The following ADAMTS17 variants were observed in gnomAD, a reference collection of about 807,000 sequenced individuals.
ADAMTS17 encodes A disintegrin and metalloproteinase with thrombospondin motifs 17.
In ADAMTS17, 113 loss-of-function variants were observed where a neutral mutation model predicts 141.5. The ratio of observed to expected loss-of-function variants is 0.80; its 90% CI spans 0.69 to 0.93. The LOEUF is 0.93. ADAMTS17 is among the 40% of genes least tolerant of loss of function. The probability of loss-of-function intolerance (pLI) is 0.00; values close to 1 mark genes in which losing one functional copy is unlikely to be tolerated. For missense variants in ADAMTS17, 1,659 were observed against 1,517.9 expected, an observed-to-expected ratio of 1.09 and a Z score of -1.54; for synonymous variants, 768 against 630.6, an observed-to-expected ratio of 1.22 and a Z score of -3.27.
intron 7 of ADAMTS17, among the ~76,000 whole-genome samples, chr15:100,203,166 C>T (rs1490477664): frequency 6.6e-6 from 1 of 152,212 alleles, no homozygotes; most frequent in Non-Finnish European, 1.5e-5. Context: ...GGCTCCACTA[C>T]ACCCCTGACA....
At chr15:100,163,747 G>A (rs999074940) in intron 8 of ADAMTS17, among the ~76,000 whole-genome samples, 10 of 152,192 alleles carry the variant, frequency 6.6e-5, no homozygotes, top group African/African-American at 2.2e-4. Flanking sequence ...AGACACAGTT[G>A]AATATGGTAG....
In ADAMTS17 at chr15:100,096,814, A is replaced by C. The variant is rs111549942; in HGVS notation, c.2017-338T>G. Among the ~76,000 whole-genome samples, 84 of 152,346 alleles carry C rather than the reference A, an allele frequency of 5.5e-4. 1 individual carries two copies. The highest frequency in any genetic ancestry group is 2.0e-3 in the African/African-American group (82 of 41,586). ...GGCAGAGACCCTGGGGAGAGAGTGA[A>C]GCCTGAACCCTCACACCAGCAGGTG... On this transcript the variant is annotated intron_variant, in intron 14 of 21. Transcript: ENST00000268070.
chr15:99,992,441 T>C (rs374907592), intron 20 of ADAMTS17, among the ~76,000 whole-genome samples: 2 of 152,288 alleles, frequency 1.3e-5, no homozygotes, highest in East Asian at 3.9e-4. Flanking sequence ...CTCACCTTGG[T>C]CCCCAGAAAA....
At chr15:100,282,305 C>T (rs968494451) in intron 3 of ADAMTS17, among the ~76,000 whole-genome samples, 3 of 152,192 alleles carry the variant, frequency 2.0e-5, no homozygotes, top group Non-Finnish European at 4.4e-5. Flanking sequence ...CACCAACCGG[C>T]TTCATAAAGT....
At chr15:100,206,381 G>C (rs1308878178) in intron 7 of ADAMTS17, among the ~76,000 whole-genome samples, 1 of 152,200 alleles carries the variant, frequency 6.6e-6, no homozygotes, top group Non-Finnish European at 1.5e-5. Flanking sequence ...CCCCTTACTG[G>C]CAGCATGAGG....
intron 18 of ADAMTS17, among the ~76,000 whole-genome samples, chr15:100,000,839 C>A (rs965067874): frequency 2.6e-5 from 4 of 152,094 alleles, no homozygotes; most frequent in African/African-American, 9.7e-5. Context: ...CCAGAATACA[C>A]CTTAACACTA....
rs1482251994 is a variant in ADAMTS17 at position 100,173,565 on chromosome 15, A to C, written c.1182-18245T>G. Among the ~76,000 whole-genome samples the C allele has an allele frequency of 2.6e-5, 4 of 152,340 alleles. No individual in the cohort carries two copies. The East Asian group carries it at 7.7e-4, about 29-fold the overall frequency. ...GCTCCAAAAGGGAAGCAATACCCTT[A>C]AGGCAGGAAGCCTGTCCTTCCTCCA... On this transcript the variant is annotated intron_variant, in intron 8 of 21. Transcript: ENST00000268070.
chr15:100,011,346 G>GAGAGATGGGAGGGAGGGAAGGAA (rs1567674315), intron 18 of ADAMTS17, among the ~76,000 whole-genome samples: 8 of 124,406 alleles, frequency 6.4e-5, no homozygotes, highest in South Asian at 3.1e-4. Context: ...GGAAGGAAAG[G>GAGAGATGGGAGGGAGGGAAGGAA]AGGAGGGACG....
chr15:100,106,823 G>T (rs571797103), intron 14 of ADAMTS17, among the ~76,000 whole-genome samples: 1 of 152,156 alleles, frequency 6.6e-6, no homozygotes, highest in Non-Finnish European at 1.5e-5. Flanking sequence ...AAGAACCATC[G>T]GCGATGCCTC....
rs148876321 is a variant in ADAMTS17 at position 100,294,021 on chromosome 15, G to T, written c.617-12620C>A. On this transcript the variant is annotated intron_variant, in intron 3 of 21. Coordinates refer to ENST00000268070, the MANE Select transcript of ADAMTS17 (RefSeq NM_139057.4). The stretch of plus-strand genomic sequence containing the variant: ...CCATGGACTTCCAGGGTGACAGTGG[G>T]TGAGTTTCCTTGTCTATAAGGCAAG... Among the ~76,000 whole-genome samples the T allele has an allele frequency of 1.3e-3, 202 of 152,262 alleles. 1 individual carries two copies. Among genetic ancestry groups the T allele is most frequent in the African/African-American group, 4.7e-3 (197 of 41,548 alleles).
rs1394465575 is a variant in ADAMTS17, at chr15:100,341,239, G to A, written c.250C>T (p.His84Tyr). The change falls in exon 2 of 22, where the codon CAC becomes TAC. Residue 84 changes from histidine (H) to tyrosine (Y), a missense_variant. Physicochemically the swap from His to Tyr is moderately conservative, Grantham distance 83 (BLOSUM62 2). Transcript: ENST00000268070. ...AGGTCGCGCCCGAAGGCCGGCAGGT[G>A]CAGCAGCAGGGCGCGCTCTCCGGGC... ...ARPGERALLL[H>Y]LPAFGRDLYL... The A allele has an allele frequency of 6.5e-6, 9 of 1,394,588 alleles. No homozygotes were observed. The highest frequency in any genetic ancestry group is 6.0e-5 in the African/African-American group (4 of 66,414). The allele number at this position is 1,394,588 out of a possible 1,614,324, so 86.4% of individuals were successfully genotyped here.
Position 100,006,027 on chromosome 15 carries a change from C to T in ADAMTS17, c.2592-8438G>A, listed in dbSNP as rs570760905. Reference sequence around the variant, plus strand: ...TGTGTGTCTGTGTCCTTACATGACCCTCTTCTTATAAGGATACCTGTCATA... The same window carrying T: ...TGTGTGTCTGTGTCCTTACATGACCTTCTTCTTATAAGGATACCTGTCATA... On this transcript the variant is annotated intron_variant, in intron 18 of 21. Transcript: ENST00000268070. Among the ~76,000 whole-genome samples the T allele has an allele frequency of 3.9e-5, 6 of 152,248 alleles. No homozygotes were observed. The South Asian group carries it at 1.2e-3, about 32-fold the overall frequency.
chr15:100,211,146 A>T (rs57856028), intron 7 of ADAMTS17, among the ~76,000 whole-genome samples: 3 of 150,884 alleles, frequency 2.0e-5, no homozygotes, highest in African/African-American at 7.3e-5. Context: ...AAATAAAAAT[A>T]CAAAAATTAG....
intron 3 of ADAMTS17, among the ~76,000 whole-genome samples, chr15:100,291,107 G>A (rs1435845038): frequency 6.6e-6 from 1 of 152,196 alleles, no homozygotes; most frequent in African/African-American, 2.4e-5. Context: ...CTATGTATCT[G>A]ACACAGATCT....
At chr15:100,123,804 A>G (rs1489364197) in intron 12 of ADAMTS17, among the ~76,000 whole-genome samples, 1 of 152,218 alleles carries the variant, frequency 6.6e-6, no homozygotes, top group African/African-American at 2.4e-5. Context: ...TCCTGGACCC[A>G]GCAGGAACAG....
chr15:99,975,203 AATC>A (rs1315199697), intron 21 of ADAMTS17, among the ~76,000 whole-genome samples: 2 of 152,154 alleles, frequency 1.3e-5, no homozygotes, highest in Non-Finnish European at 2.9e-5. Flanking sequence ...TGTTAAAAGG[AATC>A]ATCATATCAT....
chr15:100,201,920 C>T (rs543852407), intron 7 of ADAMTS17, among the ~76,000 whole-genome samples: 3 of 152,334 alleles, frequency 2.0e-5, no homozygotes, highest in East Asian at 3.9e-4. Context: ...TATGTGCACG[C>T]GGCCCACGTG....
chr15:100,058,665 GGCA>G (rs141235182), intron 15 of ADAMTS17, among the ~76,000 whole-genome samples: 3 of 152,174 alleles, frequency 2.0e-5, no homozygotes, highest in African/African-American at 7.2e-5. Context: ...GACACTGGGC[GGCA>G]GCAGCAGCAG....
At chr15:100,243,872 A>G (rs1470632328) in intron 7 of ADAMTS17, among the ~76,000 whole-genome samples, 1 of 151,896 alleles carries the variant, frequency 6.6e-6, no homozygotes, top group East Asian at 1.9e-4. Context: ...GAGTGTGATT[A>G]GTCATCCGCT....
Sources: gnomAD v4.1 joint callset for allele counts (sites outside exome capture counted in the v4.1 genomes callset) on GRCh38, gnomAD v4.1.1 for gene constraint, MANE v1.5 for transcripts, NCBI Gene and HGNC (gene_info 2026-07-23, HGNC 2026-07-21) for gene names.